The following ARHGAP27 variants were observed in gnomAD, a reference collection of about 807,000 sequenced individuals.
ARHGAP27 encodes rho GTPase-activating protein 27.
ARHGAP27 carries 53 observed loss-of-function variants against 102.0 expected under a neutral mutation model. The observed-to-expected ratio is 0.52, with a 90% CI of 0.42 to 0.65. The LOEUF (loss-of-function observed/expected upper bound fraction) is 0.65, where lower values mean the gene tolerates loss of function less well. Among genes scored for constraint, ARHGAP27 ranks in the 30% least tolerant of loss-of-function variants. The pLI is 0.00. For synonymous variants in ARHGAP27, 525 were observed against 542.8 expected, an observed-to-expected ratio of 0.97 and a Z score of 0.46; for missense variants, 1,117 against 1,256.2, an observed-to-expected ratio of 0.89 and a Z score of 1.68.
At chr17:45,410,517 A>G in intron 4 of ARHGAP27, 4 of 1,072,224 alleles carry the variant, frequency 3.7e-6, no homozygotes, top group Non-Finnish European at 5.0e-6. Flanking sequence ...GCTTCTAGAA[A>G]CACTGCTGGC....
intron 4 of ARHGAP27, chr17:45,410,514 G>T: frequency 9.1e-7 from 1 of 1,100,256 alleles, no homozygotes; most frequent in Non-Finnish European, 1.2e-6. Flanking sequence ...TATGCTTCTA[G>T]AAACACTGCT....
chr17:45,406,978 A>G (rs2047249778), intron 4 of ARHGAP27, among the ~76,000 whole-genome samples: 1 of 152,128 alleles, frequency 6.6e-6, no homozygotes, highest in South Asian at 2.1e-4. Context: ...CTCCACCCCA[A>G]AGGAGAGTGA....
At chr17:45,420,450 G>C (rs1471519142) in intron 4 of ARHGAP27, among the ~76,000 whole-genome samples, 1 of 152,112 alleles carries the variant, frequency 6.6e-6, no homozygotes, top group Non-Finnish European at 1.5e-5. Flanking sequence ...GGTGACTTTT[G>C]AGTTGATGGA....
At chr17:45,431,203 A>C (rs561558997) in intron 3 of ARHGAP27, among the ~76,000 whole-genome samples, 186 of 152,176 alleles carry the variant, frequency 1.2e-3, no homozygotes, top group Middle Eastern at 0.01. Flanking sequence ...AGCTCTCCGG[A>C]GTGGTGGTCA....
chr17:45,402,899 G>T, intron 11 of ARHGAP27, 81 bp from the exon 12 acceptor site: 1 of 1,233,808 alleles, frequency 8.1e-7, no homozygotes, highest in East Asian at 2.4e-5. Context: ...GGAATAGGAT[G>T]GGGTCACTGG....
intron 4 of ARHGAP27, among the ~76,000 whole-genome samples, chr17:45,406,605 G>A (rs2047196182): frequency 6.6e-6 from 1 of 152,254 alleles, no homozygotes; most frequent in South Asian, 2.1e-4. Context: ...GGCAGGAACT[G>A]AGAAGTGGTC....
chr17:45,395,572 G>A lies in ARHGAP27; in HGVS notation c.2554C>T (p.Pro852Ser), dbSNP rs1211645065. ...SVQSVAIVFG[P>S]TLLRPEVEET... ...TCCACCTCGGGCCGCAGCAGCGTGG[G>A]CCCGAACACAATGGCCACGCTCTGC... The change falls in exon 20 of 20, where the codon CCC (proline) becomes TCC (serine). Residue 852 changes from proline (P) to serine (S), a missense_variant. Physicochemically the swap from Pro to Ser is moderately conservative, Grantham distance 74. This residue lies in a region of ARHGAP27 where 493 missense variants were observed against 505.5 expected (regional missense o/e 0.98). Transcript: ENST00000685559. 1 of 1,605,668 alleles carries A rather than the reference G, an allele frequency of 6.2e-7. No homozygotes were observed. The highest frequency in any genetic ancestry group is 1.3e-5 in the African/African-American group (1 of 74,914).
chr17:45,396,539 C>T lies in ARHGAP27; in HGVS notation c.2121G>A (p.Arg707=). The stretch of plus-strand genomic sequence containing the variant: ...GCTGCACGAAGCGTGGCACCCGGCT[C>T]CTCTCGCGCTCACACAGCGCGGCCA... ...CALAALCERE[R]SRVPRFVQQC... is the part of the protein sequence containing the mutation. The change falls in exon 16 of 20, where the codon AGG becomes AGA. Residue 707 remains arginine, a synonymous_variant. Coordinates refer to ENST00000685559, the MANE Select transcript of ARHGAP27 (RefSeq NM_001282290.2). 1 of 1,591,186 alleles carries T rather than the reference C, an allele frequency of 6.3e-7. No homozygotes were observed. The highest frequency in any genetic ancestry group is 8.5e-7 in the Non-Finnish European group (1 of 1,173,684).
At chr17:45,398,091 C>T (rs762614374) in intron 12 of ARHGAP27, 44 bp from the exon 13 acceptor site, 3 of 1,544,604 alleles carry the variant, frequency 1.9e-6, no homozygotes, top group Admixed American at 3.4e-5. Flanking sequence ...TACCCTGGGT[C>T]TGCCCTGGGG....
Position 45,430,255 on chromosome 17 carries a change from C to A in ARHGAP27, c.25G>T (p.Val9Leu). 6.3e-7 allele frequency: 1 copy of A among 1,578,096 alleles called. No individual in the cohort carries two copies. The highest frequency in any genetic ancestry group is 8.5e-7 in the Non-Finnish European group (1 of 1,170,516). Reference sequence around the variant, plus strand: ...AAGGGGTGCTCCACCAGCACGTACACGTCCCCCACCACGTCCGCCGCCATC... The same window carrying A: ...AAGGGGTGCTCCACCAGCACGTACAAGTCCCCCACCACGTCCGCCGCCATC... The part of the protein sequence containing the change: MAADVVGD[V>L]YVLVEHPFEY... Residue 9 changes from valine (V) to leucine (L), a missense_variant, in exon 4 of 20, where the codon GTG (valine) becomes TTG (leucine). Coordinates refer to ENST00000685559, the MANE Select transcript of ARHGAP27 (RefSeq NM_001282290.2). This position sits in a 1 kb window ranked among gnomAD's most constrained non-coding sequence, Gnocchi z 4.4.
chr17:45,423,795 C>T (rs1347203131), intron 4 of ARHGAP27, among the ~76,000 whole-genome samples: 1 of 152,230 alleles, frequency 6.6e-6, no homozygotes, highest in Admixed American at 6.5e-5. Flanking sequence ...GCACAATCGT[C>T]ATTACACTGT....
Position 45,396,091 on chromosome 17 carries a change from G to C in ARHGAP27, c.2278C>G (p.Arg760Gly). 1.2e-6 allele frequency: 2 copies of C among 1,613,384 alleles called. No individual in the cohort carries two copies. The highest frequency in any genetic ancestry group is 1.7e-6 in the Non-Finnish European group (2 of 1,179,588). ...HDERLDLDDG[R>G]WEDVHVITGA... ...GTGATAACGTGGACGTCCTCCCAGC[G>C]CCCGTCATCCAGGTCAAGGCGCTCA... Residue 760 changes from arginine to glycine, a missense_variant, in exon 18 of 20, where the codon CGC (arginine) becomes GGC (glycine). This residue lies in a region of ARHGAP27 where 493 missense variants were observed against 505.5 expected (regional missense o/e 0.98). Transcript: ENST00000685559.
In ARHGAP27 at chr17:45,430,164, C is replaced by T. The variant is rs754321879; in HGVS notation, c.116G>A (p.Arg39Gln). The T allele has an allele frequency of 2.0e-6, 3 of 1,537,236 alleles. No homozygotes were observed. The highest frequency in any genetic ancestry group is 2.6e-6 in the Non-Finnish European group (3 of 1,148,298). Residue 39 changes from arginine to glutamine, a missense_variant, in exon 4 of 20, where the codon CGG becomes CAG. Arg to Gln is a conservative substitution (Grantham distance 43). Transcript: ENST00000685559. The surrounding 1 kb of genome is among the most constrained non-coding windows in gnomAD (Gnocchi z 4.4). ...GTGCCACCAGTGCTCGGTGCTGCGCCGCAGCAGCCGGTAGCGCTCATTCGG... is the reference window on the plus strand; with the variant it reads ...GTGCCACCAGTGCTCGGTGCTGCGCTGCAGCAGCCGGTAGCGCTCATTCGG... ...IRPNERYRLL[R>Q]RSTEHWWHVR... is the part of the protein sequence containing the mutation.
chr17:45,405,227 C>G, intron 5 of ARHGAP27, 121 bp from the exon 6 acceptor site: 1 of 1,150,856 alleles, frequency 8.7e-7, no homozygotes, highest in Non-Finnish European at 1.2e-6. Flanking sequence ...GAGCAGGAGG[C>G]GGGGTCAGAA....
chr17:45,398,096 C>T, intron 12 of ARHGAP27, 49 bp from the exon 13 acceptor site: 1 of 1,521,014 alleles, frequency 6.6e-7, no homozygotes. Context: ...TGGGTCTGCC[C>T]TGGGGGTTGG....
Position 45,427,063 on chromosome 17 carries a change from C to T in ARHGAP27, c.657+2560G>A, listed in dbSNP as rs1438870696. Among the ~76,000 whole-genome samples, 1 of 152,112 alleles carries T rather than the reference C, an allele frequency of 6.6e-6. No homozygotes were observed. The highest frequency in any genetic ancestry group is 1.5e-5 in the Non-Finnish European group (1 of 68,014). On this transcript the variant is annotated intron_variant, in intron 4 of 19. Coordinates refer to ENST00000685559, the MANE Select transcript of ARHGAP27 (RefSeq NM_001282290.2). The surrounding 1 kb of genome is among the most constrained non-coding windows in gnomAD (Gnocchi z 4.5). ...AGGAAGCAGCACCACTGTCTGCCCACGAGTGCCAGCTGGGAATCTAGAACT... is the reference window on the plus strand; with the variant it reads ...AGGAAGCAGCACCACTGTCTGCCCATGAGTGCCAGCTGGGAATCTAGAACT...
At chr17:45,401,355 A>G (rs2046415959) in intron 12 of ARHGAP27, among the ~76,000 whole-genome samples, 1 of 152,194 alleles carries the variant, frequency 6.6e-6, no homozygotes, top group Non-Finnish European at 1.5e-5. Context: ...CAGAAACAAA[A>G]AATAAAAACA....
chr17:45,397,098 C>G (rs977209935), intron 13 of ARHGAP27, 74 bp from the exon 14 acceptor site: 3 of 1,570,492 alleles, frequency 1.9e-6, no homozygotes, highest in South Asian at 2.3e-5. Flanking sequence ...GCAAGGGACC[C>G]GAAATGCACT....
At chr17:45,417,753 CA>C (rs34796153) in intron 4 of ARHGAP27, among the ~76,000 whole-genome samples, 310 of 121,248 alleles carry the variant, frequency 2.6e-3, no homozygotes, top group African/African-American at 4.4e-3. Flanking sequence ...GATTCTGTCT[CA>C]AAAAAAAAAA....
Sources: allele counts gnomAD v4.1 joint callset (sites outside exome capture counted in the v4.1 genomes callset), GRCh38; gene constraint gnomAD v4.1.1; regional missense constraint gnomAD v4.1.1; non-coding constraint Gnocchi (gnomAD v3.1); transcripts MANE v1.5; gene names NCBI Gene and HGNC (gene_info 2026-07-23, HGNC 2026-07-21).